PDCD6: variants seen among roughly 807,000 people sequenced by gnomAD.
PDCD6 encodes programmed cell death 6.
Under a neutral mutation model 28.3 loss-of-function variants are expected in PDCD6, and 12 were observed. The observed-to-expected ratio is 0.42, with a 90% CI of 0.27 to 0.69. PDCD6 has a LOEUF of 0.69. PDCD6 is among the 30% of genes least tolerant of loss of function. The pLI is 0.22. For synonymous variants in PDCD6, 92 were observed against 108.0 expected, an observed-to-expected ratio of 0.85 and a Z score of 0.92; for missense variants, 226 against 269.9, an observed-to-expected ratio of 0.84 and a Z score of 1.14.
At chr5:278,729 A>G (rs1338239130) in intron 2 of PDCD6, among the ~76,000 whole-genome samples, 3 of 150,958 alleles carry the variant, frequency 2.0e-5, no homozygotes, top group Non-Finnish European at 2.9e-5. Context: ...AACAAAAGGA[A>G]AGAAAGAAAA....
At chr5:279,343 G>A (rs1251038036) in intron 2 of PDCD6, among the ~76,000 whole-genome samples, 15 of 152,142 alleles carry the variant, frequency 9.9e-5, no homozygotes, top group African/African-American at 3.6e-4. Context: ...CCTGGAATGT[G>A]TGGCACTGCC....
chr5:301,947 G>T (rs9686118), intron 2 of PDCD6, among the ~76,000 whole-genome samples: 12,268 of 144,630 alleles, frequency 0.085, 842 homozygotes, highest in African/African-American at 0.31. Flanking sequence ...CTGCATAACT[G>T]CTGGAGGGCG....
chr5:279,783 C>CAAAAAAAAAAAAAAAAA (rs35224887), intron 2 of PDCD6, among the ~76,000 whole-genome samples: 1 of 75,604 alleles, frequency 1.3e-5, no homozygotes, highest in Non-Finnish European at 2.3e-5. Context: ...AAAGTAATGG[C>CAAAAAAAAAAAAAAAAA]AAAAAAAAAA....
intron 2 of PDCD6, among the ~76,000 whole-genome samples, chr5:283,906 G>C (rs1167502484): frequency 3.3e-5 from 5 of 152,112 alleles, no homozygotes; most frequent in Admixed American, 1.3e-4. Context: ...TCTAGTTTGA[G>C]GGTCATGCAG....
intron 3 of PDCD6, 95 bp from the exon 4 acceptor site, chr5:306,507 C>T: frequency 8.0e-6 from 11 of 1,366,772 alleles, no homozygotes; most frequent in Non-Finnish European, 1.0e-5. Flanking sequence ...GCAGTGGGGC[C>T]CCGCCAGGCT....
intron 2 of PDCD6, among the ~76,000 whole-genome samples, chr5:279,255 T>TGGAC (rs1288306805): frequency 6.6e-6 from 1 of 151,932 alleles, no homozygotes; most frequent in Non-Finnish European, 1.5e-5. Flanking sequence ...GGAGGGTGGA[T>TGGAC]GGACTTATAG....
intron 2 of PDCD6, among the ~76,000 whole-genome samples, chr5:290,587 A>G (rs1739258535): frequency 6.6e-6 from 1 of 152,248 alleles, no homozygotes; most frequent in East Asian, 1.9e-4. Context: ...TGGAGAAGCA[A>G]TGGATGACAG....
intron 4 of PDCD6, chr5:308,153 C>T (rs908117): frequency 0.36 from 54,677 of 152,156 alleles, 11,282 homozygotes; most frequent in South Asian, 0.49. Flanking sequence ...ACTTCAGGAC[C>T]GGCCTGAAGT....
intron 2 of PDCD6, among the ~76,000 whole-genome samples, chr5:300,549 A>G (rs1739988654): frequency 6.6e-6 from 1 of 152,240 alleles, no homozygotes; most frequent in African/African-American, 2.4e-5. Context: ...TTTGGTGACA[A>G]GTGACTCCAT....
intron 2 of PDCD6, among the ~76,000 whole-genome samples, chr5:281,261 G>A (rs1039573280): frequency 6.6e-6 from 1 of 152,236 alleles, no homozygotes; most frequent in Non-Finnish European, 1.5e-5. Context: ...GCTGAATTTC[G>A]TAAGAAGGGA....
intron 2 of PDCD6, chr5:276,513 C>T (rs1738211085): frequency 1.0e-6 from 1 of 975,606 alleles, no homozygotes; most frequent in African/African-American, 1.8e-5. Flanking sequence ...CTTGCTCAGG[C>T]TGGTCTCAAA....
chr5:271,708 C>A lies in PDCD6; in HGVS notation c.-13C>A. On this transcript the variant is annotated 5_prime_UTR_variant, in exon 1 of 6. Coordinates refer to ENST00000264933, the MANE Select transcript of PDCD6 (RefSeq NM_013232.4). ...CGCTGCAGGCGCCTCAGCCCAGCCG[C>A]GTGCCTTGGCCCATGGCCGCCTACT... The A allele has an allele frequency of 6.7e-7, 1 of 1,501,740 alleles. No homozygotes were observed. Among genetic ancestry groups the A allele is most frequent in the Non-Finnish European group, 9.0e-7 (1 of 1,113,344 alleles). The allele number at this position is 1,501,740 out of a possible 1,614,324, so 93.0% of individuals were successfully genotyped here.
chr5:272,111 C>T (rs1165889114), intron 1 of PDCD6, among the ~76,000 whole-genome samples: 1 of 151,374 alleles, frequency 6.6e-6, no homozygotes, highest in Admixed American at 6.6e-5. Flanking sequence ...GTGCGTCGGG[C>T]CCTTCCCAAG....
intron 2 of PDCD6, chr5:289,731 G>C: frequency 1.2e-6 from 1 of 859,476 alleles, no homozygotes; most frequent in East Asian, 2.4e-5. Context: ...CCTCTTTGCT[G>C]TCTGTGCTGT....
chr5:301,466 G>T (rs1248955793), intron 2 of PDCD6, among the ~76,000 whole-genome samples: 1 of 152,188 alleles, frequency 6.6e-6, no homozygotes, highest in Non-Finnish European at 1.5e-5. Context: ...CAGTAATTCC[G>T]ACCTTTCTGA....
chr5:310,727 C>T (rs561972386), intron 4 of PDCD6: 81 of 154,748 alleles, frequency 5.2e-4, no homozygotes, highest in African/African-American at 1.9e-3. Flanking sequence ...CACTGCGTGC[C>T]CTTCAGTCCC....
rs1741140624 is a variant in PDCD6, at chr5:314,459, G to C, written c.520G>C (p.Gly174Arg). ...IFRRYDTDQDGWIQVSYEQYL... is the reference protein window; with the variant it reads ...IFRRYDTDQDRWIQVSYEQYL... ...CAGACGTTACGACACGGATCAGGAC[G>C]GCTGGATTCAGGTGTCGTACGAACA... is the stretch of plus-strand genomic sequence containing the variant. Residue 174 changes from glycine to arginine, a missense_variant, in exon 6 of 6, where the codon GGC (glycine) becomes CGC (arginine). Physicochemically the swap from Gly to Arg is moderately radical, Grantham distance 125. Transcript: ENST00000264933. 2 of 1,613,730 alleles carry C rather than the reference G, an allele frequency of 1.2e-6. No homozygotes were observed.
At chr5:297,013 C>T (rs1291320793) in intron 2 of PDCD6, among the ~76,000 whole-genome samples, 3 of 152,216 alleles carry the variant, frequency 2.0e-5, no homozygotes, top group African/African-American at 4.8e-5. Context: ...CACCTGCATC[C>T]GCACAAGTGC....
intron 2 of PDCD6, among the ~76,000 whole-genome samples, chr5:293,369 C>T (rs1257430519): frequency 1.1e-5 from 1 of 93,286 alleles, no homozygotes; most frequent in Non-Finnish European, 2.2e-5. Flanking sequence ...CAAACGCCTG[C>T]GATAATGTCA....
Sources: gnomAD v4.1 joint callset for allele counts (sites outside exome capture counted in the v4.1 genomes callset) on GRCh38, gnomAD v4.1.1 for gene constraint, MANE v1.5 for transcripts, NCBI Gene and HGNC (gene_info 2026-07-23, HGNC 2026-07-21) for gene names.